The following KIAA1217 variants were observed in gnomAD, a reference collection of about 807,000 sequenced individuals.
KIAA1217 encodes KIAA1217.
KIAA1217 carries 88 observed loss-of-function variants against 163.9 expected under a neutral mutation model. That is an observed-to-expected ratio of 0.54 (90% CI 0.45 to 0.64). The LOEUF (loss-of-function observed/expected upper bound fraction) is 0.64, where lower values mean the gene tolerates loss of function less well. Ranked by LOEUF, KIAA1217 falls within the 30% of genes least tolerant of loss-of-function variation. The pLI is 0.00. For missense variants in KIAA1217, 2,372 were observed against 2,475.0 expected (o/e 0.96, Z 0.88); for synonymous variants, 903 against 923.1 (o/e 0.98, Z 0.39).
chr10:24,419,904 T>C (rs1351518700), intron 3 of KIAA1217, among the ~76,000 whole-genome samples: 1 of 152,156 alleles, frequency 6.6e-6, no homozygotes, highest in Admixed American at 6.5e-5. Flanking sequence ...CTCAGCATTA[T>C]GTTTTTGAGA....
intron 2 of KIAA1217, among the ~76,000 whole-genome samples, chr10:24,303,188 A>T (rs980795764): frequency 3.4e-5 from 5 of 148,744 alleles, no homozygotes; most frequent in African/African-American, 4.9e-5. Flanking sequence ...TAATTTTTAA[A>T]TTTTTTTTTT....
chr10:24,477,794 A>G (rs1331801850), intron 6 of KIAA1217, among the ~76,000 whole-genome samples: 1 of 152,198 alleles, frequency 6.6e-6, no homozygotes, highest in Non-Finnish European at 1.5e-5. Context: ...TCAAAGAAAA[A>G]TGTTAAAAAC....
chr10:24,352,674 T>G, intron 2 of KIAA1217, among the ~76,000 whole-genome samples: 1 of 152,008 alleles, frequency 6.6e-6, no homozygotes, highest in East Asian at 1.9e-4. Flanking sequence ...GACAGGCAAG[T>G]GGGATTTATT....
At chr10:24,275,776 A>G (rs781521931) in intron 2 of KIAA1217, 1 of 520,758 alleles carries the variant, frequency 1.9e-6, no homozygotes, top group South Asian at 1.5e-5. Context: ...CTCCAACTTA[A>G]TACTTGGCTT....
intron 2 of KIAA1217, among the ~76,000 whole-genome samples, chr10:24,041,245 A>G (rs1171994140): frequency 6.6e-6 from 1 of 152,230 alleles, no homozygotes; most frequent in Non-Finnish European, 1.5e-5. Context: ...ACCTCAAGTC[A>G]TAAAAATCAC....
intron 2 of KIAA1217, among the ~76,000 whole-genome samples, chr10:24,090,170 T>C (rs866909212): frequency 0.046 from 6,447 of 139,584 alleles, 551 homozygotes; most frequent in African/African-American, 0.17. Flanking sequence ...TTTTCTTTTT[T>C]TTTTTTTTTT....
rs553037290 is a variant in KIAA1217, at chr10:24,020,877, A to G, written c.-171+13503A>G. 2.0e-5 allele frequency among the ~76,000 whole-genome samples: 3 copies of G among 152,186 alleles called. No individual in the cohort carries two copies. In the East Asian group the frequency reaches 5.8e-4, roughly 29 times the overall value. On this transcript the variant is annotated intron_variant, in intron 2 of 18. Transcript: ENST00000376462. The stretch of plus-strand genomic sequence containing the variant: ...CAAAACAAAACAACAACCTTGGGGG[A>G]AAAAGTAAAGATGCTGTATTTTATG...
chr10:24,533,879 A>T (rs2073522541), intron 16 of KIAA1217, among the ~76,000 whole-genome samples: 1 of 152,190 alleles, frequency 6.6e-6, no homozygotes. Flanking sequence ...CTGTGCCCAA[A>T]ACTGATCCCA....
chr10:24,251,890 A>C (rs1259577973), intron 2 of KIAA1217, among the ~76,000 whole-genome samples: 1 of 135,546 alleles, frequency 7.4e-6, no homozygotes, highest in South Asian at 2.5e-4. Context: ...AGGGGCGGGG[A>C]GCTAAGAATT....
chr10:24,437,906 C>CAAAAAAAAAAAAAA (rs58645832), intron 4 of KIAA1217, among the ~76,000 whole-genome samples: 5 of 63,686 alleles, frequency 7.9e-5, no homozygotes, highest in Admixed American at 2.0e-4. Flanking sequence ...TGTTTGAAGG[C>CAAAAAAAAAAAAAA]AAAAAAAAAA....
At chr10:24,013,664 T>C (rs1050560541) in intron 2 of KIAA1217, among the ~76,000 whole-genome samples, 3 of 152,150 alleles carry the variant, frequency 2.0e-5, no homozygotes, top group Non-Finnish European at 2.9e-5. Context: ...AGAAATGTCC[T>C]GCTATATTCA....
chr10:23,994,138 T>C (rs1846356154), intron 1 of KIAA1217, among the ~76,000 whole-genome samples: 1 of 152,132 alleles, frequency 6.6e-6, no homozygotes, highest in Non-Finnish European at 1.5e-5. Context: ...TCTAACCTGG[T>C]CATGACTGTG....
At chr10:24,236,959 T>C (rs1485416465) in intron 2 of KIAA1217, among the ~76,000 whole-genome samples, 1 of 152,224 alleles carries the variant, frequency 6.6e-6, no homozygotes, top group Non-Finnish European at 1.5e-5. Flanking sequence ...GCCCGTTTTC[T>C]ACCTCTGCTA....
chr10:23,797,812 GGGACAC>G (rs779960378), intron 1 of KIAA1217, among the ~76,000 whole-genome samples: 25 of 152,088 alleles, frequency 1.6e-4, no homozygotes, highest in Non-Finnish European at 7.3e-5. Context: ...GATTTGGATG[GGGACAC>G]AGAGCCAAAC....
chr10:23,922,652 C>T (rs1489494835), intron 1 of KIAA1217, among the ~76,000 whole-genome samples: 1 of 152,108 alleles, frequency 6.6e-6, no homozygotes, highest in Admixed American at 6.5e-5. Context: ...ATGGAAAATC[C>T]ACACATTTGG....
chr10:23,766,144 C>T (rs1834506568), intron 1 of KIAA1217, among the ~76,000 whole-genome samples: 1 of 152,186 alleles, frequency 6.6e-6, no homozygotes, highest in Non-Finnish European at 1.5e-5. Flanking sequence ...CAAGTTGAAA[C>T]TCATGTGTTC....
chr10:23,820,675 A>AAGGCAGCACAAGGCACATG (rs1168693768), intron 1 of KIAA1217, among the ~76,000 whole-genome samples: 2 of 152,198 alleles, frequency 1.3e-5, no homozygotes, highest in African/African-American at 4.8e-5. Context: ...GTGGATGATC[A>AAGGCAGCACAAGGCACATG]GCAGCACAAG....
At chr10:23,958,366 A>G (rs1334348036) in intron 1 of KIAA1217, among the ~76,000 whole-genome samples, 2 of 152,224 alleles carry the variant, frequency 1.3e-5, no homozygotes, top group Admixed American at 1.3e-4. Flanking sequence ...AAGCACATAG[A>G]TAAGAGGCAG....
intron 2 of KIAA1217, among the ~76,000 whole-genome samples, chr10:24,339,124 A>G (rs962432998): frequency 5.9e-5 from 9 of 152,188 alleles, no homozygotes; most frequent in Non-Finnish European, 1.2e-4. Context: ...TATACATAGT[A>G]GCTCCCCCAA....
Sources: allele counts gnomAD v4.1 joint callset (sites outside exome capture counted in the v4.1 genomes callset), GRCh38; gene constraint gnomAD v4.1.1; transcripts MANE v1.5; gene names NCBI Gene and HGNC (gene_info 2026-07-23, HGNC 2026-07-21).